The following KCTD21 variants were observed in gnomAD, a reference collection of about 807,000 sequenced individuals.
The protein encoded by KCTD21 is BTB/POZ domain-containing protein KCTD21.
In KCTD21, 9 loss-of-function variants were observed where a neutral mutation model predicts 13.2. That is an observed-to-expected ratio of 0.68 (90% CI 0.41 to 1.19). KCTD21 has a LOEUF of 1.19. Ranked by LOEUF, KCTD21 falls within the 50% of genes most tolerant of loss-of-function variation. The probability of loss-of-function intolerance (pLI) is 0.01; values close to 1 mark genes in which losing one functional copy is unlikely to be tolerated. For missense variants in KCTD21, 303 were observed against 336.5 expected, an observed-to-expected ratio of 0.90 and a Z score of 0.78; for synonymous variants, 142 against 137.4, an observed-to-expected ratio of 1.03 and a Z score of -0.23.
At chr11:78,183,129 C>G (rs571655278) in intron 1 of KCTD21, among the ~76,000 whole-genome samples, 4 of 152,320 alleles carry the variant, frequency 2.6e-5, no homozygotes, top group Admixed American at 1.3e-4. Flanking sequence ...ATGTCATCAT[C>G]TCTTCTAAAA....
intron 1 of KCTD21, 127 bp from the exon 2 acceptor site, chr11:78,174,710 G>A (rs1862395148): frequency 1.5e-6 from 1 of 652,538 alleles, no homozygotes; most frequent in East Asian, 2.8e-5. Flanking sequence ...CTGATGAATG[G>A]GTGATAATTG....
intron 1 of KCTD21, chr11:78,186,857 T>C: frequency 2.0e-6 from 2 of 985,440 alleles, no homozygotes; most frequent in Middle Eastern, 5.2e-4. Context: ...ACAGCCAACT[T>C]TACTTAAGTA....
At chr11:78,188,370 C>G in intron 1 of KCTD21, 1 of 985,406 alleles carries the variant, frequency 1.0e-6, no homozygotes, top group Non-Finnish European at 1.2e-6. Flanking sequence ...AGCCCCGCCC[C>G]TCTAAGAGCT....
chr11:78,187,881 C>G, intron 1 of KCTD21: 1 of 985,400 alleles, frequency 1.0e-6, no homozygotes, highest in Non-Finnish European at 1.2e-6. Flanking sequence ...AGTAAGGAGT[C>G]CTGAGTGGTT....
At chr11:78,178,615 C>A (rs1049766955) in intron 1 of KCTD21, among the ~76,000 whole-genome samples, 1 of 152,170 alleles carries the variant, frequency 6.6e-6, no homozygotes, top group Non-Finnish European at 1.5e-5. Flanking sequence ...CTCCTGGCCA[C>A]CTCCACTTGG....
chr11:78,173,821 G>T lies in KCTD21; in HGVS notation c.734C>A (p.Ala245Asp). 1.2e-6 allele frequency: 2 copies of T among 1,614,166 alleles called. No homozygotes were observed. The highest frequency in any genetic ancestry group is 1.7e-6 in the Non-Finnish European group (2 of 1,180,024). The change falls in exon 2 of 2, where the codon GCT (alanine) becomes GAT (aspartate). Residue 245 changes from alanine to aspartate, a missense_variant. Ala to Asp is a moderately radical substitution (Grantham distance 126). Coordinates refer to ENST00000340067, the MANE Select transcript of KCTD21 (RefSeq NM_001029859.3). ...AATCTTATTGTTCATAAAATCCAGA[G>T]CATGTGGGTGAGAAGAATCGATGCA... is the stretch of plus-strand genomic sequence containing the variant. ...GFCIDSSHPH[A>D]LDFMNNKIIR...
chr11:78,185,725 G>C (rs1862745883), intron 1 of KCTD21, among the ~76,000 whole-genome samples: 2 of 151,920 alleles, frequency 1.3e-5, no homozygotes, highest in Non-Finnish European at 1.5e-5. Flanking sequence ...CTGAGTAGCT[G>C]GGATTTCAGG....
chr11:78,187,750 G>T (rs1285182940), intron 1 of KCTD21: 10 of 985,420 alleles, frequency 1.0e-5, no homozygotes, highest in African/African-American at 7.0e-5. Flanking sequence ...GGAAGGGTTG[G>T]GGGGACTGGT....
At chr11:78,176,180 G>A (rs1862446694) in intron 1 of KCTD21, 1 of 152,148 alleles carries the variant, frequency 6.6e-6, no homozygotes, top group Admixed American at 6.5e-5. Flanking sequence ...ACTGTGAATA[G>A]TGCCGCAATA....
At position 78,188,610 on chromosome 11, in the gene KCTD21, G is replaced by A. The variant is rs528896935; in HGVS notation, c.-67C>T. 8 of 985,512 alleles carry A rather than the reference G, an allele frequency of 8.1e-6. No homozygotes were observed. The highest frequency in any genetic ancestry group is 5.2e-4 in the Middle Eastern group (1 of 1,914). The allele number at this position is 985,512 out of a possible 1,614,324, so 61.0% of individuals were successfully genotyped here. On this transcript the variant is annotated 5_prime_UTR_variant, in exon 1 of 2. Coordinates refer to ENST00000340067, the MANE Select transcript of KCTD21 (RefSeq NM_001029859.3). ...CTCTGCAGCCTCTCCCTCCGCGAGC[G>A]GCCAGCGCAGCTTTGCGAGGGGGGC...
chr11:78,187,729 G>A (rs1224323909), intron 1 of KCTD21: 1 of 985,316 alleles, frequency 1.0e-6, no homozygotes, highest in African/African-American at 1.7e-5. Flanking sequence ...CTGCCTTACA[G>A]GCTGTCATTC....
chr11:78,179,506 T>G (rs1254738497), intron 1 of KCTD21, among the ~76,000 whole-genome samples: 1 of 152,114 alleles, frequency 6.6e-6, no homozygotes, highest in Non-Finnish European at 1.5e-5. Context: ...CAGTTTGTCT[T>G]GACTATCTCC....
chr11:78,182,307 CCT>C (rs1491579627), intron 1 of KCTD21, among the ~76,000 whole-genome samples: 2 of 94,794 alleles, frequency 2.1e-5, no homozygotes, highest in African/African-American at 8.1e-5. Context: ...ACCCCCCCCC[CCT>C]CAAAATTAAT....
chr11:78,187,818 G>A (rs1862836516), intron 1 of KCTD21: 23 of 985,376 alleles, frequency 2.3e-5, no homozygotes, highest in Non-Finnish European at 2.8e-5. Context: ...TGCCTCCCAC[G>A]CCAAGCTAAA....
Position 78,173,953 on chromosome 11 carries a change from G to C in KCTD21, c.602C>G (p.Thr201Ser). 6.2e-7 allele frequency: 1 copy of C among 1,614,066 alleles called. No individual in the cohort carries two copies. The highest frequency in any genetic ancestry group is 8.5e-7 in the Non-Finnish European group (1 of 1,180,022). The part of the protein sequence containing the change: ...NVEGLPEEEY[T>S]KQNLKRLWVV... ...CCAGAGCCTCTTGAGGTTCTGCTTG[G>C]TGTACTCCTCCTCTGGCAGGCCCTC... The change falls in exon 2 of 2, where the codon ACC becomes AGC. Residue 201 changes from threonine (T) to serine (S), a missense_variant. Physicochemically the swap from Thr to Ser is moderately conservative, Grantham distance 58. Transcript: ENST00000340067.
At chr11:78,182,946 T>G (rs1862672415) in intron 1 of KCTD21, among the ~76,000 whole-genome samples, 1 of 152,246 alleles carries the variant, frequency 6.6e-6, no homozygotes. Flanking sequence ...CATGCAATCC[T>G]GTCAGTGGGG....
chr11:78,178,356 T>C (rs899751100), intron 1 of KCTD21, among the ~76,000 whole-genome samples: 2 of 152,028 alleles, frequency 1.3e-5, no homozygotes. Flanking sequence ...TCTCGATCTC[T>C]TGACTTTGTG....
chr11:78,187,334 C>CT (rs1862812034), intron 1 of KCTD21: 1 of 985,404 alleles, frequency 1.0e-6, no homozygotes, highest in Non-Finnish European at 1.2e-6. Flanking sequence ...GTCCATATCT[C>CT]TAAGAAATCC....
At chr11:78,187,589 C>T (rs1202395943) in intron 1 of KCTD21, 2 of 985,442 alleles carry the variant, frequency 2.0e-6, no homozygotes. Flanking sequence ...CACGCTTCAC[C>T]TTGTGCTTTT....
Sources: gnomAD v4.1 joint callset for allele counts (sites outside exome capture counted in the v4.1 genomes callset) on GRCh38, gnomAD v4.1.1 for gene constraint, MANE v1.5 for transcripts, NCBI Gene and HGNC (gene_info 2026-07-23, HGNC 2026-07-21) for gene names.